Variants in CIMIP4 observed in about 807,000 individuals in gnomAD.
CIMIP4 encodes the protein ciliary microtubule inner protein 4.
chr22:36,996,137 G>GAA, the CIMIP4 span, among the ~76,000 whole-genome samples: 54 of 149,878 alleles, frequency 3.6e-4, no homozygotes, highest in Non-Finnish European at 6.4e-4. Context: ...TTTTTATCTG[G>GAA]AAAAAAAAAT....
the CIMIP4 span, among the ~76,000 whole-genome samples, chr22:37,004,518 G>A: frequency 6.6e-6 from 1 of 152,106 alleles, no homozygotes; most frequent in South Asian, 2.1e-4. Context: ...GGTCGTTCGT[G>A]CTCAGGGAAG....
chr22:37,003,874 G>A, the CIMIP4 span: 23 of 1,342,964 alleles, frequency 1.7e-5, no homozygotes, highest in East Asian at 8.2e-5. Context: ...AAGACGGAGC[G>A]GGAGGAGAAA....
chr22:36,999,177 G>C, the CIMIP4 span, among the ~76,000 whole-genome samples: 28 of 151,846 alleles, frequency 1.8e-4, no homozygotes, highest in African/African-American at 6.3e-4. Context: ...AAGAGGTGGG[G>C]AGGGCGCAGT....
chr22:36,996,071 C>T, the CIMIP4 span, among the ~76,000 whole-genome samples: 5 of 152,088 alleles, frequency 3.3e-5, no homozygotes, highest in South Asian at 4.2e-4. Flanking sequence ...CAATTCTGAC[C>T]GTCCCTATCT....
the CIMIP4 span, among the ~76,000 whole-genome samples, chr22:36,996,913 G>A: frequency 6.6e-6 from 1 of 152,196 alleles, no homozygotes; most frequent in South Asian, 2.1e-4. Flanking sequence ...GTCACCGGGA[G>A]GAAAGATGAG....
At chr22:37,001,931 C>A in the CIMIP4 span, 1 of 1,613,770 alleles carries the variant, frequency 6.2e-7, no homozygotes, top group Admixed American at 1.7e-5. Flanking sequence ...CGTGGGCGTG[C>A]TCCTCTGGTC....
the CIMIP4 span, chr22:37,007,536 C>G: frequency 6.6e-6 from 1 of 152,234 alleles, no homozygotes; most frequent in African/African-American, 2.4e-5. Flanking sequence ...TCTGGACGGG[C>G]TACAATGGAA....
the CIMIP4 span, among the ~76,000 whole-genome samples, chr22:37,002,917 T>C: frequency 1.3e-5 from 2 of 151,836 alleles, no homozygotes; most frequent in Non-Finnish European, 2.9e-5. Flanking sequence ...GGCTCTCTCC[T>C]CCCCGCCTCT....
the CIMIP4 span, among the ~76,000 whole-genome samples, chr22:36,992,935 A>T: frequency 6.7e-6 from 1 of 150,166 alleles, no homozygotes; most frequent in Admixed American, 6.7e-5. Flanking sequence ...TATAATACAT[A>T]TATAAATTCT....
chr22:36,994,405 G>A, the CIMIP4 span, among the ~76,000 whole-genome samples: 5 of 151,874 alleles, frequency 3.3e-5, no homozygotes, highest in African/African-American at 4.8e-5. Context: ...TATAACCTCC[G>A]CCTACCTCCG....
At chr22:36,995,523 G>A in the CIMIP4 span, among the ~76,000 whole-genome samples, 1 of 152,154 alleles carries the variant, frequency 6.6e-6, no homozygotes, top group Admixed American at 6.5e-5. Flanking sequence ...TTCCCCCGCA[G>A]CCCTGTCTGT....
At chr22:36,999,678 C>T in the CIMIP4 span, among the ~76,000 whole-genome samples, 1 of 151,272 alleles carries the variant, frequency 6.6e-6, no homozygotes, top group Non-Finnish European at 1.5e-5. Context: ...TCCCAGCACT[C>T]GCAAGCTGAC....
At chr22:36,992,363 A>C in the CIMIP4 span, among the ~76,000 whole-genome samples, 1 of 152,114 alleles carries the variant, frequency 6.6e-6, no homozygotes, top group African/African-American at 2.4e-5. Flanking sequence ...ACAAACAAAC[A>C]AACAAAAAAC....
chr22:37,002,326 G>C, the CIMIP4 span: 1 of 1,307,842 alleles, frequency 7.6e-7, no homozygotes. Context: ...AAGAGAAACA[G>C]AGGGGGAGGG....
the CIMIP4 span, among the ~76,000 whole-genome samples, chr22:36,992,068 G>A: frequency 1.3e-5 from 2 of 152,186 alleles, no homozygotes; most frequent in Admixed American, 6.5e-5. Flanking sequence ...GTATATTTAG[G>A]CCGGGGGCAG....
chr22:36,995,233 C>T, the CIMIP4 span, among the ~76,000 whole-genome samples: 6 of 152,174 alleles, frequency 3.9e-5, no homozygotes, highest in East Asian at 1.9e-4. Context: ...AAGGACAGGA[C>T]GTAAGCTACC....
chr22:37,005,286 A>ATGT, the CIMIP4 span, among the ~76,000 whole-genome samples: 1,467 of 152,292 alleles, frequency 9.6e-3, 23 homozygotes, highest in African/African-American at 0.034. Context: ...ACCCTGGGCC[A>ATGT]GAGGACCCAG....
the CIMIP4 span, among the ~76,000 whole-genome samples, chr22:36,992,532 T>C: frequency 3.9e-5 from 6 of 151,996 alleles, no homozygotes; most frequent in African/African-American, 9.7e-5. Flanking sequence ...GGCAATAAGA[T>C]GCCTGGGACT....
the CIMIP4 span, chr22:37,003,936 T>G: frequency 6.5e-7 from 1 of 1,541,582 alleles, no homozygotes. Context: ...TGGATGTGCA[T>G]TCAGCACATC....
Sources: allele counts gnomAD v4.1 joint callset (sites outside exome capture counted in the v4.1 genomes callset), GRCh38; gene constraint gnomAD v4.1.1; transcripts MANE v1.5; gene names NCBI Gene and HGNC (gene_info 2026-07-23, HGNC 2026-07-21).